TXNIP: variants seen among roughly 807,000 people sequenced by gnomAD.
TXNIP encodes the protein thioredoxin interacting protein.
In TXNIP, 23 loss-of-function variants were observed where a neutral mutation model predicts 43.9. The observed-to-expected ratio is 0.52, with a 90% confidence interval of 0.38 to 0.74. TXNIP has a LOEUF of 0.74. TXNIP is among the 30% of genes least tolerant of loss of function. The pLI is 0.00. For synonymous variants in TXNIP, 234 were observed against 172.2 expected (o/e 1.36, Z -2.81); for missense variants, 555 against 485.4 (o/e 1.14, Z -1.35).
Position 145,994,935 on chromosome 1 carries a change from A to G in TXNIP, c.568T>C (p.Cys190Arg). 1 of 1,614,208 alleles carries G rather than the reference A, an allele frequency of 6.2e-7. No homozygotes were observed. Among genetic ancestry groups the G allele is most frequent in the Non-Finnish European group, 8.5e-7 (1 of 1,180,030 alleles). ...VSARIDRKGF[C>R]EGDEISIHAD... ...ATAAGCACTAGGATTTTACCTTCACAGAATCCTTTTCTGTCAATTCGAGCA... is the reference window on the plus strand; with the variant it reads ...ATAAGCACTAGGATTTTACCTTCACGGAATCCTTTTCTGTCAATTCGAGCA... The change falls in exon 4 of 8, where the codon TGT becomes CGT. Residue 190 changes from cysteine to arginine, a missense_variant. Cys to Arg is a radical substitution (Grantham distance 180). Coordinates refer to ENST00000582401, the MANE Select transcript of TXNIP (RefSeq NM_006472.6).
rs782458723 is a variant in TXNIP at position 145,993,652 on chromosome 1, T to C, written c.*199A>G. On this transcript the variant is annotated 3_prime_UTR_variant, in exon 8 of 8. Coordinates refer to ENST00000582401, the MANE Select transcript of TXNIP (RefSeq NM_006472.6). ...CAACAAACACCCCTGTATCACAACA[T>C]GGGCGCTGGCTGAGGATGAGTCCGC... 3.4e-6 allele frequency: 2 copies of C among 589,250 alleles called. No homozygotes were observed. The highest frequency in any genetic ancestry group is 3.1e-5 in the Admixed American group (1 of 31,986). The allele number at this position is 589,250 out of a possible 1,614,324, so 36.5% of individuals were successfully genotyped here.
intron 1 of TXNIP, 69 bp from the exon 2 acceptor site, chr1:145,995,545 G>C: frequency 7.0e-7 from 1 of 1,435,260 alleles, no homozygotes; most frequent in Non-Finnish European, 9.8e-7. Context: ...GTGTGATAAG[G>C]AATGCTTGGG....
chr1:145,993,953 G>C, intron 7 of TXNIP, 63 bp downstream of exon 7: 1 of 1,613,640 alleles, frequency 6.2e-7, no homozygotes, highest in Non-Finnish European at 8.5e-7. Flanking sequence ...TTAGCAATCC[G>C]TCTAAGTCAA....
rs1215023304 is a variant in TXNIP, at chr1:145,992,731, G to A, written c.*1120C>T. The stretch of plus-strand genomic sequence containing the variant: ...CCAATATCCCTATCTCCTAACACAG[G>A]GCAGGAAGGGGGTTCAAAGGGCTTT... On this transcript the variant is annotated 3_prime_UTR_variant, in exon 8 of 8. Transcript: ENST00000582401. 3.9e-5 allele frequency: 6 copies of A among 152,634 alleles called. No individual in the cohort carries two copies. The highest frequency in any genetic ancestry group is 1.2e-4 in the African/African-American group (5 of 41,388). 9.5% of individuals were successfully genotyped at this position (152,634 alleles called of 1,614,324 possible). A position where few individuals can be genotyped will look rare whatever the true frequency, so the allele number is the denominator to read the frequency against.
chr1:145,994,911 T>TA lies in TXNIP; in HGVS notation c.574+17dup. Reference sequence around the variant, plus strand: ...AACCCAGTTCCTGTTTTAACTGCCATAAGCACTAGGATTTTACCTTCACAG... The same window carrying TA: ...AACCCAGTTCCTGTTTTAACTGCCATAAAGCACTAGGATTTTACCTTCACAG... On this transcript the variant is annotated intron_variant, in intron 4 of 7. Coordinates refer to ENST00000582401, the MANE Select transcript of TXNIP (RefSeq NM_006472.6). 1.2e-6 allele frequency: 2 copies of TA among 1,614,160 alleles called. No individual in the cohort carries two copies. The highest frequency in any genetic ancestry group is 1.7e-6 in the Non-Finnish European group (2 of 1,180,012).
intron 7 of TXNIP, 23 bp downstream of exon 7, chr1:145,993,993 A>G: frequency 6.2e-7 from 1 of 1,614,058 alleles, no homozygotes; most frequent in Non-Finnish European, 8.5e-7. Context: ...GACAAATTTA[A>G]CAGTAAAGAT....
At position 145,992,872 on chromosome 1, in the gene TXNIP, C is replaced by T. The variant is rs1311094732; in HGVS notation, c.*979G>A. 2 of 152,668 alleles carry T rather than the reference C, an allele frequency of 1.3e-5. No homozygotes were observed. Among genetic ancestry groups the T allele is most frequent in the African/African-American group, 2.4e-5 (1 of 41,460 alleles). The allele number at this position is 152,668 out of a possible 1,614,324, so 9.5% of individuals were successfully genotyped here. A position where few individuals can be genotyped will look rare whatever the true frequency, so the allele number is the denominator to read the frequency against. On this transcript the variant is annotated 3_prime_UTR_variant, in exon 8 of 8. Transcript: ENST00000582401. The stretch of plus-strand genomic sequence containing the variant: ...TTGAAGTCACAGTGGGCAAGGCTGA[C>T]AGCAGCAACCCTTTCACATGATTTA...
In TXNIP at chr1:145,996,556, T is replaced by C. The variant is rs782232502; in HGVS notation, c.-290A>G. 8 of 291,572 alleles carry C rather than the reference T, an allele frequency of 2.7e-5. No homozygotes were observed. The highest frequency in any genetic ancestry group is 1.1e-4 in the African/African-American group (5 of 44,674). The allele number at this position is 291,572 out of a possible 1,614,324, so 18.1% of individuals were successfully genotyped here. A position where few individuals can be genotyped will look rare whatever the true frequency, so the allele number is the denominator to read the frequency against. On this transcript the variant is annotated 5_prime_UTR_variant, in exon 1 of 8. Coordinates refer to ENST00000582401, the MANE Select transcript of TXNIP (RefSeq NM_006472.6). Reference sequence around the variant, plus strand: ...AGATCCGATCTCCACAAGCACTCCTTTGGAGAAAAAGAGGGGTTAGTTTCA... The same window carrying C: ...AGATCCGATCTCCACAAGCACTCCTCTGGAGAAAAAGAGGGGTTAGTTTCA...
chr1:145,994,592 C>A lies in TXNIP; in HGVS notation c.783G>T (p.Arg261Ser). 6.2e-7 allele frequency: 1 copy of A among 1,614,176 alleles called. No individual in the cohort carries two copies. The change falls in exon 5 of 8, where the codon AGG (arginine) becomes AGT (serine). Residue 261 changes from arginine (R) to serine (S), a missense_variant. Arg to Ser is a moderately radical substitution (Grantham distance 110). Coordinates refer to ENST00000582401, the MANE Select transcript of TXNIP (RefSeq NM_006472.6). Reference sequence around the variant, plus strand: ...GGATGTTGCAGCCCAGGATAGAAGGCCTGATCTTCTGAACCCGAAGGCTCT... The same window carrying A: ...GGATGTTGCAGCCCAGGATAGAAGGACTGATCTTCTGAACCCGAAGGCTCT... ...RGKSLRVQKI[R>S]PSILGCNILR... is the part of the protein sequence containing the mutation.
In TXNIP at chr1:145,996,466, T is replaced by A. The variant is rs1050049874; in HGVS notation, c.-200A>T. Reference sequence around the variant, plus strand: ...TTTTCGAAAAGGCGCCTAAAAAATATACGCCGCTGGTTACACTAAGCTAAT... The same window carrying A: ...TTTTCGAAAAGGCGCCTAAAAAATAAACGCCGCTGGTTACACTAAGCTAAT... On this transcript the variant is annotated 5_prime_UTR_variant, in exon 1 of 8. Transcript: ENST00000582401. 4 of 547,572 alleles carry A rather than the reference T, an allele frequency of 7.3e-6. No homozygotes were observed. The highest frequency in any genetic ancestry group is 6.8e-5 in the South Asian group (3 of 44,024). 33.9% of individuals were successfully genotyped at this position (547,572 alleles called of 1,614,324 possible).
At chr1:145,994,837 G>A (rs1404551438) in intron 4 of TXNIP, 37 bp from the exon 5 acceptor site, 2 of 1,613,770 alleles carry the variant, frequency 1.2e-6, no homozygotes, top group African/African-American at 1.3e-5. Flanking sequence ...CTGATACTCA[G>A]TATAGTTAAT....
At position 145,994,056 on chromosome 1, in the gene TXNIP, GCATA is replaced by G. The variant is rs1256079040; in HGVS notation, c.1096_1099del (p.Tyr366ProfsTer64). The G allele has an allele frequency of 6.2e-7, 1 of 1,613,968 alleles. No individual in the cohort carries two copies. Among genetic ancestry groups the G allele is most frequent in the African/African-American group, 1.3e-5 (1 of 74,868 alleles). ...TGGTGGCATGAACTTGAACTCAGGGGCATACATAAAGATAGGGCTGTCTTGAGAG... is the reference window on the plus strand; with the variant it reads ...TGGTGGCATGAACTTGAACTCAGGGGCATAAAGATAGGGCTGTCTTGAGAG... On this transcript the variant is annotated frameshift_variant, in exon 7 of 8. Transcript: ENST00000582401. LOFTEE classifies it high-confidence loss of function.
Position 145,996,008 on chromosome 1 carries a change from G to A in TXNIP, c.250+9C>T, listed in dbSNP as rs782726738. On this transcript the variant is annotated intron_variant, in intron 1 of 7. Transcript: ENST00000582401. ...CTTTCACCCTCCAACAATGAATTGG[G>A]CCGCTTACCTGTTGGCTGGTCTTCC... 2 of 1,612,078 alleles carry A rather than the reference G, an allele frequency of 1.2e-6. No homozygotes were observed. Among genetic ancestry groups the A allele is most frequent in the South Asian group, 2.2e-5 (2 of 91,008 alleles).
Position 145,994,422 on chromosome 1 carries a change from G to C in TXNIP, c.847C>G (p.Pro283Ala), listed in dbSNP as rs1553766013. 1 of 1,613,688 alleles carries C rather than the reference G, an allele frequency of 6.2e-7. No homozygotes were observed. The highest frequency in any genetic ancestry group is 1.3e-5 in the African/African-American group (1 of 74,884). ...TCAAGGATGACCTTCTTGGATCCAG[G>C]AACGCTAACATAGATCTAGAAAGGA... ...EYSLLIYVSV[P>A]GSKKVILDLP... The change falls in exon 6 of 8, where the codon CCT becomes GCT. Residue 283 changes from proline (P) to alanine (A), a missense_variant. Coordinates refer to ENST00000582401, the MANE Select transcript of TXNIP (RefSeq NM_006472.6).
At chr1:145,994,496 G>GT in intron 5 of TXNIP, 48 bp downstream of exon 5, 2 of 1,613,194 alleles carry the variant, frequency 1.2e-6, no homozygotes, top group South Asian at 2.2e-5. Context: ...GACAGCTGTG[G>GT]TAACAGATGA....
Position 145,995,256 on chromosome 1 carries a change from C to G in TXNIP, c.359G>C (p.Cys120Ser). The change falls in exon 3 of 8, where the codon TGT becomes TCT. Residue 120 changes from cysteine to serine, a missense_variant. Coordinates refer to ENST00000582401, the MANE Select transcript of TXNIP (RefSeq NM_006472.6). ...LGTSFKGKYG[C>S]VDYWVKAFLD... is the part of the protein sequence containing the mutation. ...AAAAGCCTTCACCCAGTAGTCTACA[C>G]ACCCATATTTTCCTTTGAAGGATGT... The G allele has an allele frequency of 6.2e-7, 1 of 1,614,156 alleles. No homozygotes were observed. Among genetic ancestry groups the G allele is most frequent in the East Asian group, 2.2e-5 (1 of 44,886 alleles).
rs587632424 is a variant in TXNIP at position 145,992,717 on chromosome 1, A to C, written c.*1134T>G. 6.5e-6 allele frequency: 1 copy of C among 152,828 alleles called. No homozygotes were observed. The highest frequency in any genetic ancestry group is 2.4e-5 in the African/African-American group (1 of 41,462). 9.5% of individuals were successfully genotyped at this position (152,828 alleles called of 1,614,324 possible). On this transcript the variant is annotated 3_prime_UTR_variant, in exon 8 of 8. Transcript: ENST00000582401. ...GCTGCAGTGAGGGGCCAATATCCCT[A>C]TCTCCTAACACAGGGCAGGAAGGGG...
In TXNIP at chr1:145,996,343, T is replaced by C. The variant is rs1184771215; in HGVS notation, c.-77A>G. ...AAGCTCCAAATCGAGGAAACCCCTT[T>C]GCAAAAAATTATTTCACTTTAAGGA... On this transcript the variant is annotated 5_prime_UTR_variant, in exon 1 of 8. Transcript: ENST00000582401. 2 of 1,501,376 alleles carry C rather than the reference T, an allele frequency of 1.3e-6. No homozygotes were observed. Among genetic ancestry groups the C allele is most frequent in the Admixed American group, 2.2e-5 (1 of 45,850 alleles). 93.0% of individuals were successfully genotyped at this position (1,501,376 alleles called of 1,614,324 possible). A position where few individuals can be genotyped will look rare whatever the true frequency, so the allele number is the denominator to read the frequency against.
intron 1 of TXNIP, 139 bp downstream of exon 1, chr1:145,995,878 A>G (rs1553766477): frequency 9.1e-7 from 1 of 1,099,448 alleles, no homozygotes; most frequent in African/African-American, 1.6e-5. Context: ...TCTGCAAATT[A>G]AAACAGAAAA....
Sources: allele counts gnomAD v4.1 joint callset, GRCh38; gene constraint gnomAD v4.1.1; transcripts MANE v1.5; gene names NCBI Gene and HGNC (gene_info 2026-07-23, HGNC 2026-07-21).